Variants in NHS observed in about 807,000 individuals in gnomAD.
The protein encoded by NHS is actin remodeling regulator NHS.
NHS carries 5 observed loss-of-function variants against 72.5 expected under a neutral mutation model. That is an observed-to-expected ratio of 0.07 (90% CI 0.04 to 0.14). NHS has a LOEUF of 0.14. Ranked by LOEUF, NHS falls within the 10% of genes least tolerant of loss-of-function variation. The pLI, the probability that NHS is intolerant of heterozygous loss-of-function variation, is 1.00. For missense variants in NHS, 1,072 were observed against 1,355.7 expected, an observed-to-expected ratio of 0.79 and a Z score of 3.29; for synonymous variants, 464 against 547.7, an observed-to-expected ratio of 0.85 and a Z score of 2.13.
chrX:17,408,516 GCCC>G (rs1423802471), intron 1 of NHS, among the ~76,000 whole-genome samples: 2 of 111,170 alleles, frequency 1.8e-5, no homozygotes, highest in African/African-American at 6.6e-5. Flanking sequence ...TGTGTCCCCA[GCCC>G]CATCCCCAGT....
chrX:17,409,873 T>C (rs1158132185), intron 1 of NHS, among the ~76,000 whole-genome samples: 1 of 111,375 alleles, frequency 9.0e-6, no homozygotes, highest in Non-Finnish European at 1.9e-5. Flanking sequence ...TATAATGGGG[T>C]AATAATGAGG....
chrX:17,454,426 G>A (rs761151117), intron 1 of NHS, among the ~76,000 whole-genome samples: 56 of 111,858 alleles, frequency 5.0e-4, no homozygotes, highest in African/African-American at 1.8e-3. Context: ...AGGTTCTCCC[G>A]GTACCTGACT....
chrX:17,704,286 A>T (rs1033770608), intron 3 of NHS, among the ~76,000 whole-genome samples: 1 of 109,432 alleles, frequency 9.1e-6, no homozygotes, highest in Admixed American at 9.6e-5. Flanking sequence ...TCTAAAAAAA[A>T]TTTAAAAATT....
chrX:17,551,929 G>C (rs915980020), intron 1 of NHS, among the ~76,000 whole-genome samples: 8 of 111,923 alleles, frequency 7.1e-5, no homozygotes, highest in African/African-American at 2.6e-4. Context: ...ATAGTATTTA[G>C]ATGCTATTTA....
At chrX:17,622,851 GGT>G (rs1169490220) in intron 1 of NHS, among the ~76,000 whole-genome samples, 1 of 111,472 alleles carries the variant, frequency 9.0e-6, no homozygotes, top group African/African-American at 3.3e-5. Context: ...GTAGAGGCAA[GGT>G]GTATGGGAGG....
Position 17,725,862 on chromosome X carries a change from C to T in NHS, c.1756C>T (p.Arg586Ter). The T allele has an allele frequency of 8.3e-7, 1 of 1,211,551 alleles. No individual in the cohort carries two copies. The highest frequency in any genetic ancestry group is 1.1e-6 in the Non-Finnish European group (1 of 895,480). Residue 586 changes from arginine (R) to a stop codon, truncating the protein, a stop_gained, in exon 7 of 9, where the codon CGA (arginine) becomes TGA (stop). Coordinates refer to ENST00000676302, the MANE Select transcript of NHS (RefSeq NM_001291867.2). LOFTEE classifies it high-confidence loss of function. ...TGAGAGGGGAAGGTCACGTCTGTCC[C>T]GAATGGCTGCTGACTCTGGCAGCTG... ...LSERGRSRLS[R>*]MAADSGSCDI... is the part of the protein sequence containing the mutation.
intron 1 of NHS, among the ~76,000 whole-genome samples, chrX:17,378,647 A>T (rs1017972810): frequency 8.9e-6 from 1 of 112,108 alleles, no homozygotes; most frequent in Admixed American, 9.4e-5. Flanking sequence ...CAGGAAAGGG[A>T]GGAAAGAGGA....
At chrX:17,540,939 G>A (rs1488161520) in intron 1 of NHS, among the ~76,000 whole-genome samples, 4 of 111,800 alleles carry the variant, frequency 3.6e-5, no homozygotes, top group African/African-American at 1.3e-4. Flanking sequence ...GGGCATGGTG[G>A]TGTGTGCCTG....
At chrX:17,542,211 G>T (rs1349799943) in intron 1 of NHS, among the ~76,000 whole-genome samples, 2 of 113,224 alleles carry the variant, frequency 1.8e-5, no homozygotes, top group Non-Finnish European at 3.7e-5. Context: ...CTGCAAGACG[G>T]CCAGGGCCTT....
chrX:17,417,177 A>C (rs1386490003), intron 1 of NHS, among the ~76,000 whole-genome samples: 1 of 110,832 alleles, frequency 9.0e-6, no homozygotes, highest in African/African-American at 3.3e-5. Flanking sequence ...GAAGTATTGC[A>C]TACCAGGGTC....
At chrX:17,700,212 G>GT (rs2066254203) in intron 3 of NHS, among the ~76,000 whole-genome samples, 1 of 110,861 alleles carries the variant, frequency 9.0e-6, no homozygotes, top group African/African-American at 3.3e-5. Context: ...GGAGGCTCAG[G>GT]TGGGAGGATC....
intron 1 of NHS, among the ~76,000 whole-genome samples, chrX:17,558,139 T>C (rs901837202): frequency 9.0e-6 from 1 of 111,584 alleles, no homozygotes; most frequent in Non-Finnish European, 1.9e-5. Flanking sequence ...CCTAGTACAA[T>C]ATGTCTGAAA....
chrX:17,728,193 A>G lies in NHS; in HGVS notation c.4087A>G (p.Ile1363Val), dbSNP rs150554808. ...VPGTISYESE[I>V]TSVNSFPEKC... ...TGGTACTATCAGCTATGAATCGGAG[A>G]TAACATCTGTAAATTCATTCCCTGA... is the stretch of plus-strand genomic sequence containing the variant. Residue 1363 changes from isoleucine to valine, a missense_variant, in exon 7 of 9, where the codon ATA becomes GTA. Physicochemically the swap from Ile to Val is conservative, Grantham distance 29. Coordinates refer to ENST00000676302, the MANE Select transcript of NHS (RefSeq NM_001291867.2). 7 of 1,210,023 alleles carry G rather than the reference A, an allele frequency of 5.8e-6. No homozygotes were observed. The African/African-American group carries it at 8.7e-5, about 15-fold the overall frequency.
chrX:17,584,734 T>C (rs16980636), intron 1 of NHS, among the ~76,000 whole-genome samples: 8,932 of 111,381 alleles, frequency 0.08, 906 homozygotes, highest in African/African-American at 0.27. Flanking sequence ...GTCCCCTTTT[T>C]CAATACCTTT....
intron 1 of NHS, among the ~76,000 whole-genome samples, chrX:17,537,718 G>T (rs1008238281): frequency 8.9e-6 from 1 of 111,998 alleles, no homozygotes; most frequent in African/African-American, 3.2e-5. Flanking sequence ...AAAGCCAAAG[G>T]GTTTAAAAGA....
At position 17,723,770 on chromosome X, in the gene NHS, T is replaced by TGTGTGTGTGC. The variant is rs541219770; in HGVS notation, c.1109-528_1109-527insTGTGTGTGCG. Among the ~76,000 whole-genome samples the TGTGTGTGTGC allele has an allele frequency of 5.9e-3, 535 of 91,220 alleles. 4 individuals are homozygous for TGTGTGTGTGC. The highest frequency in any genetic ancestry group is 0.011 in the African/African-American group (211 of 19,761). 79.2% of individuals were successfully genotyped at this position (91,220 alleles called of 115,157 possible). A position where few individuals can be genotyped will look rare whatever the true frequency, so the allele number is the denominator to read the frequency against. On this transcript the variant is annotated intron_variant, in intron 5 of 8. Transcript: ENST00000676302. ...GTGTGTGTGTGTGTGTGTGTGTGTG[T>TGTGTGTGTGC]GCGCGCGCGTGCGCGCATGGGGAAT...
chrX:17,679,863 G>A (rs777074629), intron 1 of NHS, among the ~76,000 whole-genome samples: 2 of 104,218 alleles, frequency 1.9e-5, no homozygotes, highest in Admixed American at 2.0e-4. Flanking sequence ...GAAGAAAGGG[G>A]GGGGGGGTGT....
chrX:17,646,207 G>A (rs769366852), intron 1 of NHS, among the ~76,000 whole-genome samples: 25 of 111,746 alleles, frequency 2.2e-4, no homozygotes, highest in African/African-American at 7.8e-4. Context: ...CTCCCAAAGC[G>A]CTGGGATTAC....
chrX:17,567,609 C>T (rs754694932), intron 1 of NHS, among the ~76,000 whole-genome samples: 7 of 111,376 alleles, frequency 6.3e-5, no homozygotes, highest in Non-Finnish European at 1.1e-4. Flanking sequence ...GCCTATGCCC[C>T]TGAGCCCCAG....
Sources: gnomAD v4.1 joint callset for allele counts (sites outside exome capture counted in the v4.1 genomes callset) on GRCh38, gnomAD v4.1.1 for gene constraint, MANE v1.5 for transcripts, NCBI Gene and HGNC (gene_info 2026-07-23, HGNC 2026-07-21) for gene names.